PDE3B: variants seen among roughly 807,000 people sequenced by gnomAD.
The protein encoded by PDE3B is cGMP-inhibited 3',5'-cyclic phosphodiesterase 3B.
Under a neutral mutation model 116.8 loss-of-function variants are expected in PDE3B, and 66 were observed. The observed-to-expected ratio is 0.56, with a 90% CI of 0.46 to 0.69. The LOEUF (loss-of-function observed/expected upper bound fraction) is 0.69, where lower values mean the gene tolerates loss of function less well. PDE3B is among the 30% of genes least tolerant of loss of function. PDE3B has a pLI of 0.00. For missense variants in PDE3B, 1,384 were observed against 1,368.1 expected, an observed-to-expected ratio of 1.01 and a Z score of -0.18; for synonymous variants, 595 against 533.6, an observed-to-expected ratio of 1.12 and a Z score of -1.59.
chr11:14,728,289 C>T (rs1323392685), intron 1 of PDE3B, among the ~76,000 whole-genome samples: 1 of 151,900 alleles, frequency 6.6e-6, no homozygotes, highest in African/African-American at 2.4e-5. Flanking sequence ...TGTTTTTATG[C>T]TTTCTGTGAA....
intron 1 of PDE3B, among the ~76,000 whole-genome samples, chr11:14,705,294 C>G (rs748588870): frequency 6.6e-6 from 1 of 151,788 alleles, no homozygotes; most frequent in Non-Finnish European, 1.5e-5. Flanking sequence ...AAATTGTGCT[C>G]TATCCCTACC....
rs1204598106 is a variant in PDE3B at position 14,725,315 on chromosome 11, CTTTCTTTCTTTCTT to C, written c.979-46606_979-46593del. On this transcript the variant is annotated intron_variant, in intron 1 of 15. Coordinates refer to ENST00000282096, the MANE Select transcript of PDE3B (RefSeq NM_000922.4). ...TTTCTTTCTTTCTTTCTTTCTCTTT[CTTTCTTTCTTTCTT>C]TTTCTTTCTTTCTTTCTTTCTTCTT... Among the ~76,000 whole-genome samples, 36 of 150,096 alleles carry C rather than the reference CTTTCTTTCTTTCTT, an allele frequency of 2.4e-4. 2 individuals carry two copies. In the South Asian group the frequency reaches 4.9e-3, roughly 20 times the overall value.
intron 5 of PDE3B, among the ~76,000 whole-genome samples, chr11:14,817,107 A>G (rs1325250692): frequency 1.3e-5 from 2 of 152,230 alleles, no homozygotes; most frequent in Non-Finnish European, 2.9e-5. Context: ...CTGTGCAGCC[A>G]TAAAAAAGGA....
chr11:14,779,329 T>C (rs1857895875), intron 2 of PDE3B, among the ~76,000 whole-genome samples: 1 of 152,114 alleles, frequency 6.6e-6, no homozygotes, highest in Non-Finnish European at 1.5e-5. Flanking sequence ...ACCACAAAGA[T>C]ACTCCTCGAG....
chr11:14,820,298 A>T (rs1317429330), intron 7 of PDE3B, among the ~76,000 whole-genome samples: 1 of 151,088 alleles, frequency 6.6e-6, no homozygotes, highest in Admixed American at 6.6e-5. Context: ...TAAACTTCTG[A>T]TACATGCTGC....
At chr11:14,697,782 G>A (rs1202696398) in intron 1 of PDE3B, among the ~76,000 whole-genome samples, 1 of 151,888 alleles carries the variant, frequency 6.6e-6, no homozygotes, top group African/African-American at 2.4e-5. Context: ...AGTTGTAGAT[G>A]TCTTTATTCA....
At chr11:14,897,643 C>T in the PDE3B span, among the ~76,000 whole-genome samples, 3 of 152,102 alleles carry the variant, frequency 2.0e-5, no homozygotes, top group African/African-American at 7.2e-5. Flanking sequence ...GTTGGTGGTA[C>T]AGAGGTTTAT....
At chr11:14,832,225 G>A (rs535516198) in intron 9 of PDE3B, among the ~76,000 whole-genome samples, 5 of 152,064 alleles carry the variant, frequency 3.3e-5, no homozygotes, top group African/African-American at 9.6e-5. Context: ...TGATGGGTCC[G>A]CATAACAGCA....
At chr11:14,667,544 T>C (rs1305001974) in intron 1 of PDE3B, among the ~76,000 whole-genome samples, 4 of 151,642 alleles carry the variant, frequency 2.6e-5, no homozygotes, top group Admixed American at 6.6e-5. Context: ...CGTAGGGACA[T>C]GGATGAAGCT....
intron 4 of PDE3B, among the ~76,000 whole-genome samples, chr11:14,802,775 C>T (rs1351667189): frequency 2.0e-5 from 3 of 152,156 alleles, no homozygotes; most frequent in Non-Finnish European, 4.4e-5. Flanking sequence ...GATGCCCATC[C>T]AGGAAACACA....
intron 5 of PDE3B, among the ~76,000 whole-genome samples, chr11:14,805,088 A>G (rs1444804381): frequency 6.6e-6 from 1 of 152,186 alleles, no homozygotes; most frequent in African/African-American, 2.4e-5. Flanking sequence ...AGAGAAACAA[A>G]AGGACAGAAT....
chr11:14,755,564 A>G (rs545959021), intron 1 of PDE3B, among the ~76,000 whole-genome samples: 2 of 152,340 alleles, frequency 1.3e-5, no homozygotes, highest in South Asian at 4.1e-4. Context: ...AATATGTAAA[A>G]TCTCATTACA....
chr11:14,761,675 A>G (rs1351238643), intron 1 of PDE3B, among the ~76,000 whole-genome samples: 1 of 152,114 alleles, frequency 6.6e-6, no homozygotes. Flanking sequence ...TTTAACAGAC[A>G]AGAGGTTCCC....
intron 1 of PDE3B, chr11:14,673,807 G>T: frequency 1.1e-6 from 1 of 879,650 alleles, no homozygotes; most frequent in Non-Finnish European, 2.0e-6. Context: ...GGTGCCTTGG[G>T]GTGATCTGCA....
chr11:14,825,695 T>C, intron 7 of PDE3B, among the ~76,000 whole-genome samples: 1 of 152,190 alleles, frequency 6.6e-6, no homozygotes, highest in East Asian at 1.9e-4. Flanking sequence ...AGTGAGAGAC[T>C]TCAACACTCC....
At chr11:14,779,996 A>G (rs1331786407) in intron 2 of PDE3B, among the ~76,000 whole-genome samples, 1 of 152,112 alleles carries the variant, frequency 6.6e-6, no homozygotes, top group African/African-American at 2.4e-5. Context: ...TGGAAAAAAA[A>G]AAAAAAAGCA....
intron 1 of PDE3B, among the ~76,000 whole-genome samples, chr11:14,648,649 C>T (rs1451926370): frequency 6.6e-6 from 1 of 152,060 alleles, no homozygotes; most frequent in Non-Finnish European, 1.5e-5. Context: ...TTGATAGAGT[C>T]ACTCTGTTTT....
intron 5 of PDE3B, among the ~76,000 whole-genome samples, chr11:14,806,046 A>T (rs1858909810): frequency 6.6e-6 from 1 of 152,208 alleles, no homozygotes; most frequent in African/African-American, 2.4e-5. Flanking sequence ...AGTTGGTGGG[A>T]CTGTAAATTA....
At chr11:14,884,283 A>C in the PDE3B span, among the ~76,000 whole-genome samples, 1 of 151,978 alleles carries the variant, frequency 6.6e-6, no homozygotes, top group Admixed American at 6.5e-5. Context: ...AACCAACCCA[A>C]AGGTCCAAAA....
Sources: allele counts gnomAD v4.1 joint callset (sites outside exome capture counted in the v4.1 genomes callset), GRCh38; gene constraint gnomAD v4.1.1; transcripts MANE v1.5; gene names NCBI Gene and HGNC (gene_info 2026-07-23, HGNC 2026-07-21).